CNTN4: variants seen among roughly 807,000 people sequenced by gnomAD.
CNTN4 encodes contactin 4, also known as contactin-4.
A neutral mutation model predicts 122.5 loss-of-function variants in CNTN4; 77 were observed. The ratio of observed to expected loss-of-function variants is 0.63; its 90% CI spans 0.52 to 0.76. CNTN4 has a LOEUF of 0.76. Among genes scored for constraint, CNTN4 ranks in the 30% least tolerant of loss-of-function variants. CNTN4 has a pLI of 0.00. For synonymous variants in CNTN4, 512 were observed against 447.0 expected (o/e 1.15, Z -1.83); for missense variants, 1,256 against 1,259.1 (o/e 1.00, Z 0.04).
chr3:2,571,565 T>G lies in CNTN4; in HGVS notation c.55+7T>G. 1 of 1,609,832 alleles carries G rather than the reference T, an allele frequency of 6.2e-7. No homozygotes were observed. Among genetic ancestry groups the G allele is most frequent in the Non-Finnish European group, 8.5e-7 (1 of 1,176,150 alleles). ...TTCATTTTGTGCCTTGCAGGTAGAG[T>G]GTCATTTTAAAACTTTTTGATTTAG... is the stretch of plus-strand genomic sequence containing the variant. On this transcript the variant is annotated splice_region_variant and intron_variant, in intron 4 of 24. Coordinates refer to ENST00000418658, the MANE Select transcript of CNTN4 (RefSeq NM_175607.3).
intron 6 of CNTN4, among the ~76,000 whole-genome samples, chr3:2,766,224 C>T (rs911186802): frequency 2.0e-5 from 3 of 152,196 alleles, no homozygotes; most frequent in Admixed American, 6.5e-5. Context: ...CACCTTTCTC[C>T]TGATCGCATC....
chr3:2,561,049 A>G (rs552029786), intron 3 of CNTN4, among the ~76,000 whole-genome samples: 8,918 of 152,252 alleles, frequency 0.059, 532 homozygotes, highest in African/African-American at 0.16. Flanking sequence ...GTAATGATGG[A>G]CATACTAGTA....
At chr3:2,936,930 G>A (rs1034893913) in intron 13 of CNTN4, among the ~76,000 whole-genome samples, 1 of 152,190 alleles carries the variant, frequency 6.6e-6, no homozygotes, top group Non-Finnish European at 1.5e-5. Context: ...CCTGTGGCTG[G>A]CGGCTTTTAC....
intron 4 of CNTN4, among the ~76,000 whole-genome samples, chr3:2,601,529 C>T (rs2081047459): frequency 6.6e-6 from 1 of 152,224 alleles, no homozygotes; most frequent in East Asian, 1.9e-4. Context: ...GGTATTATTT[C>T]TGAGGGCTCT....
intron 6 of CNTN4, among the ~76,000 whole-genome samples, chr3:2,746,904 TG>T (rs909266610): frequency 6.6e-6 from 1 of 152,194 alleles, no homozygotes; most frequent in African/African-American, 2.4e-5. Context: ...TTCTTTCTCT[TG>T]GTTTAATACA....
intron 3 of CNTN4, among the ~76,000 whole-genome samples, chr3:2,471,614 G>A (rs1050841788): frequency 1.3e-5 from 2 of 152,116 alleles, no homozygotes; most frequent in African/African-American, 4.8e-5. Context: ...TGTTAAACTT[G>A]TAAATCATCT....
chr3:2,369,760 T>G (rs2150641824), intron 3 of CNTN4, among the ~76,000 whole-genome samples: 1 of 152,226 alleles, frequency 6.6e-6, no homozygotes, highest in African/African-American at 2.4e-5. Context: ...TTGTAGAAAT[T>G]ACAAAACTTG....
chr3:2,818,176 A>G (rs2092782010), intron 6 of CNTN4, among the ~76,000 whole-genome samples: 1 of 152,210 alleles, frequency 6.6e-6, no homozygotes, highest in Non-Finnish European at 1.5e-5. Flanking sequence ...GCAAAATCAG[A>G]TGGTACTTAA....
At chr3:2,966,519 A>G (rs1692326453) in intron 13 of CNTN4, among the ~76,000 whole-genome samples, 1 of 152,182 alleles carries the variant, frequency 6.6e-6, no homozygotes, top group South Asian at 2.1e-4. Flanking sequence ...AATGGATACG[A>G]AAATGTAGTT....
At chr3:2,392,688 A>T (rs933749546) in intron 3 of CNTN4, among the ~76,000 whole-genome samples, 1 of 152,182 alleles carries the variant, frequency 6.6e-6, no homozygotes, top group Non-Finnish European at 1.5e-5. Context: ...ACAATGCATT[A>T]TTATTAACTA....
At chr3:2,653,854 C>A (rs1367378897) in intron 4 of CNTN4, among the ~76,000 whole-genome samples, 1 of 152,148 alleles carries the variant, frequency 6.6e-6, no homozygotes, top group Non-Finnish European at 1.5e-5. Flanking sequence ...GTGACCAGTT[C>A]GTCTCTACCA....
At chr3:2,271,166 A>C (rs923661317) in intron 2 of CNTN4, among the ~76,000 whole-genome samples, 3 of 152,146 alleles carry the variant, frequency 2.0e-5, no homozygotes, top group Admixed American at 1.3e-4. Flanking sequence ...ACAGGGACAA[A>C]TGTGATGTCC....
intron 14 of CNTN4, among the ~76,000 whole-genome samples, chr3:2,999,788 T>G (rs563041239): frequency 1.3e-5 from 2 of 152,324 alleles, no homozygotes; most frequent in East Asian, 3.9e-4. Context: ...TGTTTCAACA[T>G]GAATTTTGGA....
chr3:2,729,461 T>G (rs570005500), intron 4 of CNTN4, among the ~76,000 whole-genome samples: 1 of 136,122 alleles, frequency 7.3e-6, no homozygotes, highest in African/African-American at 2.9e-5. Flanking sequence ...GGAGAATCGC[T>G]CAAACCTGGG....
In CNTN4 at chr3:3,012,334, G is replaced by A. The variant is rs534072401; in HGVS notation, c.1487-13768G>A. Among the ~76,000 whole-genome samples the A allele has an allele frequency of 1.0e-3, 157 of 152,254 alleles. 2 individuals are homozygous for A. Among genetic ancestry groups the A allele is most frequent in the Non-Finnish European group, 2.6e-4 (18 of 68,020 alleles). On this transcript the variant is annotated intron_variant, in intron 14 of 24. Coordinates refer to ENST00000418658, the MANE Select transcript of CNTN4 (RefSeq NM_175607.3). ...TTGCAAGGATTTTGGCATTTACTCTGAGGTAAACGTGGAGGCATCTTTGTT... is the reference window on the plus strand; with the variant it reads ...TTGCAAGGATTTTGGCATTTACTCTAAGGTAAACGTGGAGGCATCTTTGTT...
At chr3:2,731,775 T>C (rs2088704185) in intron 4 of CNTN4, among the ~76,000 whole-genome samples, 1 of 152,238 alleles carries the variant, frequency 6.6e-6, no homozygotes, top group Non-Finnish European at 1.5e-5. Context: ...AAGAAGACAT[T>C]CATTACTTAT....
chr3:2,218,277 G>A (rs1159397609), intron 2 of CNTN4, among the ~76,000 whole-genome samples: 2 of 152,132 alleles, frequency 1.3e-5, no homozygotes, highest in African/African-American at 2.4e-5. Flanking sequence ...TTAAAAAGAT[G>A]TACTTTAGAA....
intron 4 of CNTN4, among the ~76,000 whole-genome samples, chr3:2,610,605 T>C (rs2081440292): frequency 6.6e-6 from 1 of 152,176 alleles, no homozygotes; most frequent in East Asian, 1.9e-4. Flanking sequence ...TGGGGGTGGG[T>C]TAATGTGTTA....
At chr3:2,873,575 C>G (rs1339930460) in intron 8 of CNTN4, among the ~76,000 whole-genome samples, 3 of 152,232 alleles carry the variant, frequency 2.0e-5, no homozygotes, top group Non-Finnish European at 2.9e-5. Flanking sequence ...ATTCTTGTTG[C>G]AGCATCATGC....
Sources: allele counts gnomAD v4.1 joint callset (sites outside exome capture counted in the v4.1 genomes callset), GRCh38; gene constraint gnomAD v4.1.1; transcripts MANE v1.5; gene names NCBI Gene and HGNC (gene_info 2026-07-23, HGNC 2026-07-21).